CHRNB3: variants seen among roughly 807,000 people sequenced by gnomAD.
CHRNB3 encodes the protein neuronal acetylcholine receptor subunit beta-3.
A neutral mutation model predicts 40.6 loss-of-function variants in CHRNB3; 37 were observed. The ratio of observed to expected loss-of-function variants is 0.91; its 90% CI spans 0.70 to 1.20. The LOEUF (loss-of-function observed/expected upper bound fraction) is 1.20. Among genes scored for constraint, CHRNB3 ranks in the 50% most tolerant of loss-of-function variants. CHRNB3 has a pLI of 0.00. For synonymous variants in CHRNB3, 207 were observed against 207.1 expected, an observed-to-expected ratio of 1.00 and a Z score of 0.00; for missense variants, 505 against 551.2, an observed-to-expected ratio of 0.92 and a Z score of 0.84.
At chr8:42,713,164 A>G (rs1333192710) in intron 3 of CHRNB3, among the ~76,000 whole-genome samples, 1 of 152,108 alleles carries the variant, frequency 6.6e-6, no homozygotes, top group African/African-American at 2.4e-5. Context: ...AATCTCTCAC[A>G]TAAAGCAGGG....
At chr8:42,706,495 A>G (rs74739135) in intron 1 of CHRNB3, among the ~76,000 whole-genome samples, 1,658 of 152,298 alleles carry the variant, frequency 0.011, 36 homozygotes, top group African/African-American at 0.038. Context: ...CTGTGCCCTC[A>G]GCGTGGCCCC....
intron 3 of CHRNB3, among the ~76,000 whole-genome samples, chr8:42,727,036 C>A (rs892123218): frequency 1.4e-4 from 22 of 151,940 alleles, no homozygotes; most frequent in Non-Finnish European, 1.5e-5. Context: ...CAAAAATTTG[C>A]CTAAAGCTAT....
At chr8:42,732,802 C>G (rs1311860875) in intron 5 of CHRNB3, among the ~76,000 whole-genome samples, 2 of 152,108 alleles carry the variant, frequency 1.3e-5, no homozygotes, top group East Asian at 1.9e-4. Flanking sequence ...GTTGATTAAG[C>G]ATTGTTTCTT....
intron 1 of CHRNB3, among the ~76,000 whole-genome samples, chr8:42,703,652 C>T (rs957384597): frequency 1.3e-5 from 2 of 151,902 alleles, no homozygotes; most frequent in Non-Finnish European, 2.9e-5. Context: ...AAACCTTGAG[C>T]GCATCTGTGA....
intron 3 of CHRNB3, among the ~76,000 whole-genome samples, chr8:42,714,337 T>A (rs1408897135): frequency 1.3e-5 from 2 of 151,106 alleles, no homozygotes; most frequent in African/African-American, 4.9e-5. Context: ...CTACTAAAAA[T>A]AAAAAATAAA....
chr8:42,731,970 CT>C lies in CHRNB3; in HGVS notation c.666del (p.Phe222LeufsTer8), dbSNP rs1488713494. ...NRRDGVYSYP[F>X]ITYSFVLRRL... ...GAAGGGACGGCGTGTACTCCTATCC[CT>C]TTATCACGTATTCCTTCGTCCTGAG... On this transcript the variant is annotated frameshift_variant, in exon 5 of 6. Coordinates refer to ENST00000289957, the MANE Select transcript of CHRNB3 (RefSeq NM_000749.5). LOFTEE classifies it high-confidence loss of function. 1 of 1,613,992 alleles carries C rather than the reference CT, an allele frequency of 6.2e-7. No homozygotes were observed. The highest frequency in any genetic ancestry group is 8.5e-7 in the Non-Finnish European group (1 of 1,180,038).
chr8:42,704,041 G>A (rs1815875352), intron 1 of CHRNB3, among the ~76,000 whole-genome samples: 1 of 152,182 alleles, frequency 6.6e-6, no homozygotes, highest in South Asian at 2.1e-4. Context: ...ATTTGCATTA[G>A]TCAGGCTGCC....
At position 42,736,814 on chromosome 8, in the gene CHRNB3, A is replaced by G; in HGVS notation, c.*196A>G. On this transcript the variant is annotated 3_prime_UTR_variant, in exon 6 of 6. Transcript: ENST00000289957. The stretch of plus-strand genomic sequence containing the variant: ...CCATGAGAGTGAGCTGCTTTTAAAG[A>G]AAGTGGAGCCTCCTCAGACCCCTGC... 1.5e-6 allele frequency: 1 copy of G among 663,022 alleles called. No individual in the cohort carries two copies. The highest frequency in any genetic ancestry group is 2.5e-6 in the Non-Finnish European group (1 of 393,350). 41.1% of individuals were successfully genotyped at this position (663,022 alleles called of 1,614,324 possible).
Position 42,737,341 on chromosome 8 carries a change from G to A in CHRNB3, c.*723G>A, listed in dbSNP as rs1816547000. The A allele has an allele frequency of 6.6e-6, 1 of 152,142 alleles. No homozygotes were observed. The allele number at this position is 152,142 out of a possible 1,614,324, so 9.4% of individuals were successfully genotyped here. A position where few individuals can be genotyped will look rare whatever the true frequency, so the allele number is the denominator to read the frequency against. The stretch of plus-strand genomic sequence containing the variant: ...CAAAATAACTCACAATAGAAACAAA[G>A]CCCTTTGCTACCAGAAGTGGATTCA... On this transcript the variant is annotated 3_prime_UTR_variant, in exon 6 of 6. Transcript: ENST00000289957.
intron 1 of CHRNB3, among the ~76,000 whole-genome samples, chr8:42,697,936 C>T (rs1365087332): frequency 6.6e-6 from 1 of 152,092 alleles, no homozygotes; most frequent in African/African-American, 2.4e-5. Flanking sequence ...ATATTTGGCA[C>T]AGAAATTTAC....
chr8:42,706,011 C>A (rs1815917088), intron 1 of CHRNB3: 1 of 152,154 alleles, frequency 6.6e-6, no homozygotes, highest in Non-Finnish European at 1.5e-5. Flanking sequence ...GGGGAGACAA[C>A]AATAAACAGA....
chr8:42,733,530 G>A (rs765834046), intron 5 of CHRNB3, among the ~76,000 whole-genome samples: 18 of 150,576 alleles, frequency 1.2e-4, no homozygotes, highest in Non-Finnish European at 1.9e-4. Flanking sequence ...GCTCAGCTCC[G>A]TTGTATAAGC....
chr8:42,703,435 A>AAAAAAAATAT lies in CHRNB3; in HGVS notation c.53-5281_53-5280insAAAAAATATA. Among the ~76,000 whole-genome samples the AAAAAAAATAT allele has an allele frequency of 1.9e-4, 9 of 47,406 alleles. 2 individuals carry two copies. Among genetic ancestry groups the AAAAAAAATAT allele is most frequent in the Admixed American group, 2.3e-4 (1 of 4,304 alleles). The allele number at this position is 47,406 out of a possible 152,430, so 31.1% of individuals were successfully genotyped here. On this transcript the variant is annotated intron_variant, in intron 1 of 5. Coordinates refer to ENST00000289957, the MANE Select transcript of CHRNB3 (RefSeq NM_000749.5). ...CAAGACTTCGTCTAAAAAAAAAAAA[A>AAAAAAAATAT]ATATTTATATATATATATATATATA...
At position 42,732,249 on chromosome 8, in the gene CHRNB3, C is replaced by T; in HGVS notation, c.942C>T (p.Thr314=). Reference sequence around the variant, plus strand: ...TTGTGACCCTGTCCATCATTGTTACCGTGTTTGTCATTAACGTTCACCACA... The same window carrying T: ...TTGTGACCCTGTCCATCATTGTTACTGTGTTTGTCATTAACGTTCACCACA... The part of the protein sequence containing the change: ...MIFVTLSIIV[T]VFVINVHHRS... Residue 314 remains threonine (T), a synonymous_variant, in exon 5 of 6, where the codon ACC becomes ACT. Coordinates refer to ENST00000289957, the MANE Select transcript of CHRNB3 (RefSeq NM_000749.5). 1.2e-6 allele frequency: 2 copies of T among 1,611,842 alleles called. No individual in the cohort carries two copies. Among genetic ancestry groups the T allele is most frequent in the Non-Finnish European group, 1.7e-6 (2 of 1,179,348 alleles).
intron 3 of CHRNB3, among the ~76,000 whole-genome samples, chr8:42,716,532 G>C (rs1291450047): frequency 6.6e-6 from 1 of 151,988 alleles, no homozygotes; most frequent in Non-Finnish European, 1.5e-5. Context: ...CCAGCAGTGC[G>C]CCCAGGCTAG....
intron 1 of CHRNB3, chr8:42,704,482 G>C (rs909090142): frequency 2.0e-5 from 3 of 152,192 alleles, no homozygotes; most frequent in Admixed American, 2.0e-4. Flanking sequence ...GCACAGCTGC[G>C]TAAGTGCAAA....
At chr8:42,710,337 A>G in intron 2 of CHRNB3, 53 bp from the exon 3 acceptor site, 2 of 1,386,744 alleles carry the variant, frequency 1.4e-6, no homozygotes, top group Non-Finnish European at 2.0e-6. Context: ...AACAAAAATC[A>G]CAACTTATTT....
chr8:42,708,645 G>A, intron 1 of CHRNB3, 72 bp from the exon 2 acceptor site: 1 of 1,532,670 alleles, frequency 6.5e-7, no homozygotes, highest in Non-Finnish European at 8.9e-7. Flanking sequence ...CAAGGCCACA[G>A]GAGCCATGGG....
chr8:42,730,650 C>T lies in CHRNB3; in HGVS notation c.306C>T (p.Ser102=). 2 of 1,610,744 alleles carry T rather than the reference C, an allele frequency of 1.2e-6. No individual in the cohort carries two copies. The highest frequency in any genetic ancestry group is 1.1e-5 in the South Asian group (1 of 90,614). ...WNPDDYGGIH[S]IKVPSESLWL... The stretch of plus-strand genomic sequence containing the variant: ...CTGATGATTATGGTGGGATCCATTC[C>T]ATTAAAGTTCCATCAGAATCTCTGT... Residue 102 remains serine, a synonymous_variant, in exon 4 of 6, where the codon TCC becomes TCT. Coordinates refer to ENST00000289957, the MANE Select transcript of CHRNB3 (RefSeq NM_000749.5).
Sources: allele counts gnomAD v4.1 joint callset (sites outside exome capture counted in the v4.1 genomes callset), GRCh38; gene constraint gnomAD v4.1.1; transcripts MANE v1.5; gene names NCBI Gene and HGNC (gene_info 2026-07-23, HGNC 2026-07-21).